CEP162: variants seen among roughly 807,000 people sequenced by gnomAD.
The protein encoded by CEP162 is centrosomal protein 162, also known as centrosomal protein of 162 kDa.
In CEP162, 141 loss-of-function variants were observed where a neutral mutation model predicts 169.2. The observed-to-expected ratio is 0.83, with a 90% CI of 0.73 to 0.96. The LOEUF is 0.96. CEP162 is among the 40% of genes least tolerant of loss of function. The probability of loss-of-function intolerance (pLI) is 0.00; values close to 1 mark genes in which losing one functional copy is unlikely to be tolerated. For missense variants in CEP162, 1,600 were observed against 1,587.2 expected, an observed-to-expected ratio of 1.01 and a Z score of -0.14; for synonymous variants, 540 against 526.4, an observed-to-expected ratio of 1.03 and a Z score of -0.35.
rs1371804221 is a variant in CEP162, at chr6:84,126,466, G to A, written c.3917C>T (p.Thr1306Ile). The A allele has an allele frequency of 6.3e-7, 1 of 1,577,058 alleles. No homozygotes were observed. The highest frequency in any genetic ancestry group is 2.3e-5 in the East Asian group (1 of 43,726). The change falls in exon 26 of 27, where the codon ACA becomes ATA. Residue 1306 changes from threonine (T) to isoleucine (I), a missense_variant. Physicochemically the swap from Thr to Ile is moderately conservative, Grantham distance 89 (BLOSUM62 -1). Coordinates refer to ENST00000403245, the MANE Select transcript of CEP162 (RefSeq NM_014895.4). ...GCCCACGAAATGTTTCATCTCTGGT[G>A]TATGGTTTTCTTTGGCTTCTCTCAA... ...EELREAKENHTPEMKHFVGLE... is the reference protein window; with the variant it reads ...EELREAKENHIPEMKHFVGLE...
At chr6:84,190,623 G>A (rs1002040764) in intron 11 of CEP162, among the ~76,000 whole-genome samples, 8 of 151,426 alleles carry the variant, frequency 5.3e-5, no homozygotes, top group Non-Finnish European at 7.4e-5. Context: ...CACTCACTGC[G>A]AAGGTCTGCA....
At chr6:84,157,690 A>G (rs2099523790) in intron 21 of CEP162, among the ~76,000 whole-genome samples, 1 of 152,148 alleles carries the variant, frequency 6.6e-6, no homozygotes, top group African/African-American at 2.4e-5. Flanking sequence ...ATATGTCTTC[A>G]GACTTTCAAT....
chr6:84,189,728 C>T (rs897842144), intron 11 of CEP162, among the ~76,000 whole-genome samples: 3 of 152,234 alleles, frequency 2.0e-5, no homozygotes, highest in African/African-American at 7.2e-5. Context: ...CCAGTCCCAT[C>T]GACCACCCAA....
chr6:84,190,696 G>A (rs1049699130), intron 11 of CEP162, among the ~76,000 whole-genome samples: 10 of 152,050 alleles, frequency 6.6e-5, no homozygotes, highest in African/African-American at 2.2e-4. Flanking sequence ...GAACACATCT[G>A]AACATCAGAA....
At chr6:84,153,992 T>G (rs544869661) in intron 22 of CEP162, among the ~76,000 whole-genome samples, 1 of 152,220 alleles carries the variant, frequency 6.6e-6, no homozygotes, top group Admixed American at 6.6e-5. Flanking sequence ...ATGTTCGGTC[T>G]TGAGAGATGA....
intron 7 of CEP162, 102 bp downstream of exon 7, chr6:84,203,879 A>C: frequency 1.9e-6 from 1 of 526,854 alleles, no homozygotes; most frequent in East Asian, 3.1e-5. Context: ...ACAATAAGCA[A>C]GATTATGAAG....
chr6:84,219,932 T>C (rs192047251), intron 3 of CEP162, among the ~76,000 whole-genome samples: 8 of 152,124 alleles, frequency 5.3e-5, no homozygotes, highest in South Asian at 4.1e-4. Flanking sequence ...AGCTAGAAGA[T>C]AGAGTGAAGG....
chr6:84,134,122 C>T (rs187508355), intron 25 of CEP162, among the ~76,000 whole-genome samples: 6 of 152,316 alleles, frequency 3.9e-5, no homozygotes, highest in African/African-American at 1.4e-4. Context: ...TGGGCTCTGC[C>T]CAGTTCGAAC....
chr6:84,200,794 C>T lies in CEP162; in HGVS notation c.830G>A (p.Gly277Glu). ...AGGTTTCTAAACATTTTTACCTGTT[C>T]CTGTCATTTCATTCTCAGTCATTTC... ...LPEMTENEMT[G>E]TGVSYGQSSS... The change falls in exon 9 of 27, where the codon GGA becomes GAA. Residue 277 changes from glycine (G) to glutamate (E), a missense_variant. Physicochemically the swap from Gly to Glu is moderately conservative, Grantham distance 98 (BLOSUM62 -2). Coordinates refer to ENST00000403245, the MANE Select transcript of CEP162 (RefSeq NM_014895.4). 3 of 1,563,408 alleles carry T rather than the reference C, an allele frequency of 1.9e-6. No individual in the cohort carries two copies. Among genetic ancestry groups the T allele is most frequent in the Non-Finnish European group, 2.6e-6 (3 of 1,134,302 alleles).
intron 2 of CEP162, among the ~76,000 whole-genome samples, chr6:84,223,306 C>G (rs2099554466): frequency 6.6e-6 from 1 of 151,500 alleles, no homozygotes; most frequent in African/African-American, 2.4e-5. Flanking sequence ...TGAGACCAGC[C>G]TGACCAACAT....
At chr6:84,133,063 A>G (rs2099512291) in intron 25 of CEP162, among the ~76,000 whole-genome samples, 2 of 152,024 alleles carry the variant, frequency 1.3e-5, no homozygotes. Context: ...TATGTTTGTT[A>G]GTTTTCCTTC....
At chr6:84,192,532 G>A (rs17186481) in intron 11 of CEP162, among the ~76,000 whole-genome samples, 6,772 of 152,274 alleles carry the variant, frequency 0.044, 222 homozygotes, top group South Asian at 0.11. Context: ...TTAGTGGAAG[G>A]TTCACTGCAT....
chr6:84,170,249 C>T (rs2099529489), intron 17 of CEP162, among the ~76,000 whole-genome samples: 2 of 151,678 alleles, frequency 1.3e-5, no homozygotes, highest in African/African-American at 4.8e-5. Flanking sequence ...TGGCGGGTGC[C>T]TGTAGTCCCA....
At chr6:84,224,422 T>C (rs2099554924) in intron 2 of CEP162, among the ~76,000 whole-genome samples, 1 of 152,152 alleles carries the variant, frequency 6.6e-6, no homozygotes, top group Admixed American at 6.6e-5. Context: ...CTAACAGATA[T>C]GGGATTTCTT....
intron 13 of CEP162, among the ~76,000 whole-genome samples, chr6:84,180,274 G>T (rs1284678941): frequency 6.6e-6 from 1 of 152,040 alleles, no homozygotes; most frequent in African/African-American, 2.4e-5. Context: ...TGTAGAAAAG[G>T]CCTTTGACAA....
chr6:84,170,703 A>T (rs138921139), intron 17 of CEP162, among the ~76,000 whole-genome samples: 27 of 152,240 alleles, frequency 1.8e-4, no homozygotes, highest in African/African-American at 6.5e-4. Context: ...GTGTTTACAT[A>T]AAAAGATACA....
intron 2 of CEP162, 22 bp from the exon 3 acceptor site, chr6:84,221,193 C>A: frequency 1.7e-6 from 2 of 1,151,444 alleles, no homozygotes; most frequent in South Asian, 2.5e-5. Context: ...ATAAGACATT[C>A]AATTTGAAAA....
chr6:84,204,794 GT>G (rs2099546058), intron 6 of CEP162, among the ~76,000 whole-genome samples: 2 of 152,110 alleles, frequency 1.3e-5, no homozygotes, highest in African/African-American at 2.4e-5. Context: ...CCAGGAGCTG[GT>G]TTTTTGAAAA....
rs868536382 is a variant in CEP162, at chr6:84,215,899, A to G, written c.196T>C (p.Tyr66His). The change falls in exon 4 of 27, where the codon TAT (tyrosine) becomes CAT (histidine). Residue 66 changes from tyrosine (Y) to histidine (H), a missense_variant. Tyr to His is a moderately conservative substitution (Grantham distance 83). Transcript: ENST00000403245. ...DDGLLGTNVS[Y>H]LKTKKTSQPV... ...TGAGAAGTCTTCTTTGTTTTCAAAT[A>G]GCTCACATTTGTTCCAAGAAGTCCT... The G allele has an allele frequency of 1.1e-5, 18 of 1,571,934 alleles. No individual in the cohort carries two copies. In the Middle Eastern group the frequency reaches 1.3e-3, roughly 117 times the overall value.
Sources: gnomAD v4.1 joint callset for allele counts (sites outside exome capture counted in the v4.1 genomes callset) on GRCh38, gnomAD v4.1.1 for gene constraint, MANE v1.5 for transcripts, NCBI Gene and HGNC (gene_info 2026-07-23, HGNC 2026-07-21) for gene names.